The following PIK3R4 variants were observed in gnomAD, a reference collection of about 807,000 sequenced individuals.
PIK3R4 encodes the protein phosphoinositide-3-kinase regulatory subunit 4, also known as phosphoinositide 3-kinase regulatory subunit 4.
Under a neutral mutation model 136.5 loss-of-function variants are expected in PIK3R4, and 46 were observed. The observed-to-expected ratio is 0.34, with a 90% CI of 0.27 to 0.43. The LOEUF (loss-of-function observed/expected upper bound fraction) is 0.43. Among genes scored for constraint, PIK3R4 ranks in the 20% least tolerant of loss-of-function variants. The pLI is 1.00. For synonymous variants in PIK3R4, 557 were observed against 566.7 expected (o/e 0.98, Z 0.24); for missense variants, 1,331 against 1,649.5 (o/e 0.81, Z 3.35).
intron 2 of PIK3R4, among the ~76,000 whole-genome samples, chr3:130,740,321 TA>T (rs1240777947): frequency 6.6e-6 from 1 of 152,328 alleles, no homozygotes; most frequent in East Asian, 1.9e-4. Flanking sequence ...GGCAAAATGC[TA>T]TAAGAGACAT....
In PIK3R4 at chr3:130,724,390, A is replaced by G. The variant is rs188497294; in HGVS notation, c.1808-803T>C. 9.2e-3 allele frequency among the ~76,000 whole-genome samples: 1,403 copies of G among 152,248 alleles called. 18 individuals carry two copies. Among genetic ancestry groups the G allele is most frequent in the East Asian group, 0.052 (272 of 5,188 alleles). The stretch of plus-strand genomic sequence containing the variant: ...TAAACATACTCAAATGGTGAGGGGG[A>G]GAGTCACTGAATTGGGATTGTGATG... On this transcript the variant is annotated intron_variant, in intron 6 of 19. Coordinates refer to ENST00000356763, the MANE Select transcript of PIK3R4 (RefSeq NM_014602.3).
chr3:130,680,513 G>T, intron 19 of PIK3R4, 100 bp downstream of exon 19: 1 of 559,254 alleles, frequency 1.8e-6, no homozygotes. Context: ...TAAATTCAAA[G>T]TACTCCTCGC....
chr3:130,713,654 G>A (rs1350953037), intron 9 of PIK3R4, among the ~76,000 whole-genome samples: 5 of 152,116 alleles, frequency 3.3e-5, no homozygotes, highest in Non-Finnish European at 2.9e-5. Flanking sequence ...ATAAGGAAAA[G>A]AAAATGTCAA....
chr3:130,699,392 CTTT>C (rs1391882265), intron 13 of PIK3R4, among the ~76,000 whole-genome samples: 4 of 152,260 alleles, frequency 2.6e-5, no homozygotes, highest in Non-Finnish European at 4.4e-5. Context: ...TGGAGATGTG[CTTT>C]TGGGGAGCTC....
chr3:130,733,033 A>G (rs1377845658), intron 4 of PIK3R4, among the ~76,000 whole-genome samples: 1 of 152,202 alleles, frequency 6.6e-6, no homozygotes, highest in East Asian at 1.9e-4. Flanking sequence ...GTAGGTGTGT[A>G]TAACACACCC....
intron 2 of PIK3R4, among the ~76,000 whole-genome samples, chr3:130,736,902 T>G (rs2066788598): frequency 6.6e-6 from 1 of 152,192 alleles, no homozygotes; most frequent in Admixed American, 6.5e-5. Context: ...GCTGTAAGAT[T>G]AGGGAGAGGA....
At chr3:130,741,436 C>G (rs2066823343) in intron 2 of PIK3R4, among the ~76,000 whole-genome samples, 1 of 152,172 alleles carries the variant, frequency 6.6e-6, no homozygotes, top group Non-Finnish European at 1.5e-5. Flanking sequence ...TATGGCATCC[C>G]TAACAAACTA....
chr3:130,690,399 T>G (rs2066510017), intron 14 of PIK3R4, 91 bp downstream of exon 14: 1 of 645,492 alleles, frequency 1.5e-6, no homozygotes, highest in Non-Finnish European at 2.4e-6. Flanking sequence ...AGGCCCTTAG[T>G]TGATCCCAAC....
intron 5 of PIK3R4, among the ~76,000 whole-genome samples, chr3:130,729,462 A>G (rs2066750322): frequency 6.6e-6 from 1 of 152,196 alleles, no homozygotes; most frequent in South Asian, 2.1e-4. Flanking sequence ...TGCTCACATT[A>G]AGAAAAACTT....
At chr3:130,730,960 T>C (rs1284443252) in intron 4 of PIK3R4, among the ~76,000 whole-genome samples, 1 of 152,220 alleles carries the variant, frequency 6.6e-6, no homozygotes, top group African/African-American at 2.4e-5. Flanking sequence ...AAACCATTGT[T>C]AGACTGCTTT....
At position 130,716,548 on chromosome 3, in the gene PIK3R4, A is replaced by C; in HGVS notation, c.2179T>G (p.Ser727Ala). ...LSVLKEPVSR[S>A]IFDYALRSKD... ...GACCTCAAAGCATAATCAAATATAG[A>C]ACGACTTACTGGTTCCTTTAAAACA... The change falls in exon 9 of 20, where the codon TCT (serine) becomes GCT (alanine). Residue 727 changes from serine (S) to alanine (A), a missense_variant. Around this residue, in one of 2 missense-constraint regions of PIK3R4, gnomAD observed 1,180 missense variants for 1,407.0 expected, o/e 0.84. Transcript: ENST00000356763. 1 of 1,614,022 alleles carries C rather than the reference A, an allele frequency of 6.2e-7. No homozygotes were observed. Among genetic ancestry groups the C allele is most frequent in the Non-Finnish European group, 8.5e-7 (1 of 1,179,872 alleles).
chr3:130,696,647 G>T (rs2107604289), intron 13 of PIK3R4, among the ~76,000 whole-genome samples: 1 of 152,130 alleles, frequency 6.6e-6, no homozygotes, highest in South Asian at 2.1e-4. Context: ...ACTTATTGAG[G>T]TTTGTTTTGT....
intron 9 of PIK3R4, among the ~76,000 whole-genome samples, chr3:130,714,335 T>TC (rs1374856243): frequency 3.3e-5 from 5 of 152,194 alleles, no homozygotes; most frequent in African/African-American, 1.2e-4. Context: ...TTTATTCCTA[T>TC]CTTGGCTTCC....
At chr3:130,693,544 A>C (rs1319987398) in intron 13 of PIK3R4, among the ~76,000 whole-genome samples, 1 of 152,162 alleles carries the variant, frequency 6.6e-6, no homozygotes, top group African/African-American at 2.4e-5. Flanking sequence ...TTCTCTAGTG[A>C]CTAAGAAGCA....
At chr3:130,744,279 T>C (rs949109986) in intron 2 of PIK3R4, among the ~76,000 whole-genome samples, 1 of 152,254 alleles carries the variant, frequency 6.6e-6, no homozygotes, top group African/African-American at 2.4e-5. Context: ...AATATGTTTA[T>C]ATGTTTGTGT....
chr3:130,735,804 T>A, intron 3 of PIK3R4, 65 bp downstream of exon 3: 2 of 1,439,214 alleles, frequency 1.4e-6, no homozygotes, highest in Non-Finnish European at 1.9e-6. Context: ...AGAAATCTGA[T>A]TAAAGCAAAA....
In PIK3R4 at chr3:130,691,867, GTTTTTTTT is replaced by G. The variant is rs757678674; in HGVS notation, c.3099-1221_3099-1214del. Among the ~76,000 whole-genome samples the G allele has an allele frequency of 3.0e-5, 3 of 100,818 alleles. No individual in the cohort carries two copies. The South Asian group carries it at 9.4e-4, about 31-fold the overall frequency. 66.1% of individuals were successfully genotyped at this position (100,818 alleles called of 152,430 possible). ...TATATTTTATCAGTATCTCTCTCTA[GTTTTTTTT>G]TTTTTTTTTTTTTTTCTGAGACAGA... On this transcript the variant is annotated intron_variant, in intron 13 of 19. Coordinates refer to ENST00000356763, the MANE Select transcript of PIK3R4 (RefSeq NM_014602.3).
chr3:130,723,686 T>A, intron 6 of PIK3R4, 99 bp from the exon 7 acceptor site: 1 of 961,884 alleles, frequency 1.0e-6, no homozygotes, highest in East Asian at 2.7e-5. Flanking sequence ...AACATATTAA[T>A]CAATTACCTA....
chr3:130,745,678 G>C (rs185675746), intron 1 of PIK3R4, among the ~76,000 whole-genome samples: 190 of 152,320 alleles, frequency 1.2e-3, no homozygotes, highest in Non-Finnish European at 2.1e-3. Context: ...ATATGACATA[G>C]TTCTTGTCCA....
Sources: allele counts gnomAD v4.1 joint callset (sites outside exome capture counted in the v4.1 genomes callset), GRCh38; gene constraint gnomAD v4.1.1; regional missense constraint gnomAD v4.1.1; transcripts MANE v1.5; gene names NCBI Gene and HGNC (gene_info 2026-07-23, HGNC 2026-07-21).